Variants in GRB10 observed in about 807,000 individuals in gnomAD.
The protein encoded by GRB10 is growth factor receptor-bound protein 10.
GRB10 carries 20 observed loss-of-function variants against 80.9 expected under a neutral mutation model. The ratio of observed to expected loss-of-function variants is 0.25; its 90% CI spans 0.17 to 0.36. The LOEUF is 0.36. Among genes scored for constraint, GRB10 ranks in the 10% least tolerant of loss-of-function variants. The probability of loss-of-function intolerance (pLI) is 1.00; values close to 1 mark genes in which losing one functional copy is unlikely to be tolerated. For missense variants in GRB10, 548 were observed against 747.7 expected (o/e 0.73, Z 3.12); for synonymous variants, 291 against 291.5 (o/e 1.00, Z 0.02).
rs184864638 is a variant in GRB10 at position 50,773,641 on chromosome 7, T to C, written c.-217+6986A>G. On this transcript the variant is annotated intron_variant, in intron 2 of 18. Transcript: ENST00000401949. ...GCTGCTCTAGAAAACAGTTTGGCAG[T>C]TCCTCAAAAAGCTAAGCATAGAATT... Among the ~76,000 whole-genome samples, 49 of 152,270 alleles carry C rather than the reference T, an allele frequency of 3.2e-4. 1 individual carries two copies. Among genetic ancestry groups the C allele is most frequent in the Admixed American group, 3.2e-3 (49 of 15,300 alleles).
At chr7:50,609,751 G>C (rs1414096742) in intron 13 of GRB10, among the ~76,000 whole-genome samples, 1 of 152,186 alleles carries the variant, frequency 6.6e-6, no homozygotes, top group Admixed American at 6.5e-5. Context: ...AATAATTGTT[G>C]CAAAGTTTTA....
chr7:50,696,241 T>C (rs1325688232), intron 5 of GRB10, among the ~76,000 whole-genome samples: 1 of 152,242 alleles, frequency 6.6e-6, no homozygotes, highest in Non-Finnish European at 1.5e-5. Flanking sequence ...TGCAAGGCTT[T>C]TGTTAGACAG....
At chr7:50,663,382 C>T (rs2059474938) in intron 7 of GRB10, among the ~76,000 whole-genome samples, 2 of 152,184 alleles carry the variant, frequency 1.3e-5, no homozygotes, top group African/African-American at 4.8e-5. Flanking sequence ...GCCACAAGTG[C>T]CCCAAATGAT....
chr7:50,789,504 G>A (rs2078826282), intron 1 of GRB10, among the ~76,000 whole-genome samples: 1 of 152,196 alleles, frequency 6.6e-6, no homozygotes, highest in African/African-American at 2.4e-5. Context: ...GTACAACCAG[G>A]AGTCAACTGA....
chr7:50,728,872 T>C (rs918473128), intron 4 of GRB10, among the ~76,000 whole-genome samples: 1 of 152,122 alleles, frequency 6.6e-6, no homozygotes, highest in Non-Finnish European at 1.5e-5. Context: ...GGTATCCCCA[T>C]GTTGGCCAAG....
chr7:50,626,058 A>C (rs899476374), intron 8 of GRB10, among the ~76,000 whole-genome samples: 10 of 152,262 alleles, frequency 6.6e-5, no homozygotes, highest in African/African-American at 2.4e-4. Context: ...TGAATATTTT[A>C]CTATGACTTT....
intron 1 of GRB10, among the ~76,000 whole-genome samples, chr7:50,791,796 G>T (rs2078927371): frequency 6.6e-6 from 1 of 152,170 alleles, no homozygotes; most frequent in African/African-American, 2.4e-5. Flanking sequence ...TGATCCTAGA[G>T]TTTTGATTTT....
chr7:50,768,705 G>A (rs1356178838), intron 2 of GRB10, among the ~76,000 whole-genome samples: 3 of 152,182 alleles, frequency 2.0e-5, no homozygotes, highest in Non-Finnish European at 2.9e-5. Flanking sequence ...AACAGAAGCA[G>A]CTTGTGGCAA....
chr7:50,758,269 A>T (rs1316502255), intron 2 of GRB10, among the ~76,000 whole-genome samples: 1 of 152,142 alleles, frequency 6.6e-6, no homozygotes, highest in African/African-American at 2.4e-5. Flanking sequence ...TCACACGCTG[A>T]CCCGGACCAC....
chr7:50,692,226 C>G lies in GRB10; in HGVS notation c.139+11595G>C, dbSNP rs2062900686. Among the ~76,000 whole-genome samples the G allele has an allele frequency of 2.0e-5, 3 of 152,136 alleles. No individual in the cohort carries two copies. The South Asian group carries it at 6.2e-4, about 32-fold the overall frequency. On this transcript the variant is annotated intron_variant, in intron 5 of 18. Coordinates refer to ENST00000401949, the MANE Select transcript of GRB10 (RefSeq NM_001350814.2). ...ATACTATGCCATTTTACATCAGGGC[C>G]TTGAGCATCCTTGGATTTTGGCATT...
intron 5 of GRB10, among the ~76,000 whole-genome samples, chr7:50,692,575 G>C (rs1291571343): frequency 6.6e-6 from 1 of 152,146 alleles, no homozygotes; most frequent in Admixed American, 6.5e-5. Flanking sequence ...AAGAAGGGGA[G>C]AGGCAGGGGC....
At chr7:50,722,463 T>C (rs1383500333) in intron 4 of GRB10, among the ~76,000 whole-genome samples, 2 of 152,164 alleles carry the variant, frequency 1.3e-5, no homozygotes, top group East Asian at 3.8e-4. Context: ...GGAAATTCCA[T>C]GTGTTCGAAG....
chr7:50,656,140 C>T (rs1363125653), intron 7 of GRB10, among the ~76,000 whole-genome samples: 8 of 152,176 alleles, frequency 5.3e-5, no homozygotes, highest in Middle Eastern at 3.2e-3. Flanking sequence ...ACAGTAAGGG[C>T]GTTATTTCCT....
At chr7:50,646,072 C>A (rs2057139250) in intron 7 of GRB10, among the ~76,000 whole-genome samples, 1 of 152,214 alleles carries the variant, frequency 6.6e-6, no homozygotes, top group Admixed American at 6.5e-5. Context: ...TATCCATCCA[C>A]AACCCCATTC....
intron 4 of GRB10, among the ~76,000 whole-genome samples, chr7:50,728,573 A>T (rs2069065752): frequency 6.6e-6 from 1 of 152,046 alleles, no homozygotes; most frequent in Non-Finnish European, 1.5e-5. Flanking sequence ...CCCAGAAAAA[A>T]CTTTCTTCTG....
At chr7:50,703,737 A>C in intron 5 of GRB10, 84 bp downstream of exon 5, 1 of 973,228 alleles carries the variant, frequency 1.0e-6, no homozygotes, top group Middle Eastern at 2.1e-4. Context: ...TATTAGTGTC[A>C]AGAGCAACAT....
intron 3 of GRB10, among the ~76,000 whole-genome samples, chr7:50,745,616 T>C (rs556943136): frequency 1.8e-3 from 274 of 152,288 alleles, no homozygotes; most frequent in African/African-American, 6.1e-3. Flanking sequence ...CTAAAAATAG[T>C]GAATTTCATA....
In GRB10 at chr7:50,595,437, A is replaced by T; in HGVS notation, c.1638T>A (p.Pro546=). The T allele has an allele frequency of 6.7e-7, 1 of 1,485,986 alleles. No homozygotes were observed. The allele number at this position is 1,485,986 out of a possible 1,614,324, so 92.1% of individuals were successfully genotyped here. A position where few individuals can be genotyped will look rare whatever the true frequency, so the allele number is the denominator to read the frequency against. The change falls in exon 18 of 19, where the codon CCT becomes CCA. Residue 546 remains proline (P), a splice_region_variant and synonymous_variant. Coordinates refer to ENST00000401949, the MANE Select transcript of GRB10 (RefSeq NM_001350814.2). ...CTGGTCTGAGAACATCAATACTTAC[A>T]GGTAAGATCTGGAAATTTTTAATTT... ...HQKIKNFQIL[P]CEDDGQTFFS...
intron 5 of GRB10, among the ~76,000 whole-genome samples, chr7:50,686,496 G>C (rs1279973591): frequency 6.6e-6 from 1 of 152,200 alleles, no homozygotes; most frequent in African/African-American, 2.4e-5. Context: ...GGTGCCTTCT[G>C]AACAATGCTC....
Sources: gnomAD v4.1 joint callset for allele counts (sites outside exome capture counted in the v4.1 genomes callset) on GRCh38, gnomAD v4.1.1 for gene constraint, MANE v1.5 for transcripts, NCBI Gene and HGNC (gene_info 2026-07-23, HGNC 2026-07-21) for gene names.